The following ZNF43 variants were observed in gnomAD, a reference collection of about 807,000 sequenced individuals.
ZNF43 encodes the protein zinc finger protein 43, also known as zinc finger protein 39-like 1 (KOX 27).
ZNF43 carries 44 observed loss-of-function variants against 68.4 expected under a neutral mutation model. The ratio of observed to expected loss-of-function variants is 0.64; its 90% CI spans 0.51 to 0.83. The LOEUF is 0.83. Ranked by LOEUF, ZNF43 falls within the 40% of genes least tolerant of loss-of-function variation. The probability of loss-of-function intolerance (pLI) is 0.00; values close to 1 mark genes in which losing one functional copy is unlikely to be tolerated. For missense variants in ZNF43, 896 were observed against 933.2 expected (o/e 0.96, Z 0.52); for synonymous variants, 308 against 307.8 (o/e 1.00, Z -0.01).
upstream of ZNF43, chr19:21,836,283 T>A (rs2038732384): frequency 2.3e-6 from 3 of 1,297,776 alleles, no homozygotes; most frequent in Admixed American, 6.6e-5. Flanking sequence ...ACTTCTAAGG[T>A]CCTGCCCCCG....
intron 3 of ZNF43, chr19:21,812,012 A>G: frequency 2.5e-6 from 1 of 398,716 alleles, no homozygotes; most frequent in South Asian, 1.3e-4. Context: ...ATACCTCGAA[A>G]TTACTGTACA....
At chr19:21,848,644 G>T (rs1968126212) in intron 1 of ZNF43, among the ~76,000 whole-genome samples, 1 of 151,952 alleles carries the variant, frequency 6.6e-6, no homozygotes, top group Non-Finnish European at 1.5e-5. Context: ...TTACCTTTGG[G>T]CTGGGACCAG....
At chr19:21,849,615 G>C (rs926947941) in intron 1 of ZNF43, among the ~76,000 whole-genome samples, 1 of 151,418 alleles carries the variant, frequency 6.6e-6, no homozygotes, top group Non-Finnish European at 1.5e-5. Context: ...TTCAAGAGCA[G>C]CCTGGCCAAC....
Position 21,819,152 on chromosome 19 carries a change from GTGCAATGTCCAGGCAT to G in ZNF43, c.57_72del (p.Gln19HisfsTer9). Reference sequence around the variant, plus strand: ...ATCACATTCCTATATAAATTCTGCTGTGCAATGTCCAGGCATTGCCACTCCTCCAGACAGAATTCTA... The same window carrying G: ...ATCACATTCCTATATAAATTCTGCTGTGCCACTCCTCCAGACAGAATTCTA... On this transcript the variant is annotated frameshift_variant, in exon 2 of 4. Coordinates refer to ENST00000354959, the MANE Select transcript of ZNF43 (RefSeq NM_003423.4). LOFTEE classifies it high-confidence loss of function. 3 of 1,611,018 alleles carry G rather than the reference GTGCAATGTCCAGGCAT, an allele frequency of 1.9e-6. No individual in the cohort carries two copies. Among genetic ancestry groups the G allele is most frequent in the Non-Finnish European group, 2.5e-6 (3 of 1,178,896 alleles).
At position 21,820,830 on chromosome 19, in the gene ZNF43, ATTT is replaced by A. The variant is rs750258211; in HGVS notation, c.4-1612_4-1610del. ...ATACAGATGTCTCCCATGTTCTGTA[ATTT>A]TTTTTTTTTTTTTTTTTTTGAGGTG... On this transcript the variant is annotated intron_variant, in intron 1 of 3. Transcript: ENST00000354959. 7.0e-4 allele frequency among the ~76,000 whole-genome samples: 90 copies of A among 128,756 alleles called. No homozygotes were observed. The East Asian group carries it at 9.1e-3, about 13-fold the overall frequency. 84.5% of individuals were successfully genotyped at this position (128,756 alleles called of 152,430 possible).
chr19:21,838,232 A>G (rs539320117), upstream of ZNF43, among the ~76,000 whole-genome samples: 6 of 152,292 alleles, frequency 3.9e-5, no homozygotes, highest in South Asian at 1.2e-3. Context: ...TTTGCCTGAC[A>G]TAGTTCTCAA....
chr19:21,851,851 G>C, intron 1 of ZNF43: 2 of 1,530,532 alleles, frequency 1.3e-6, no homozygotes, highest in Non-Finnish European at 1.8e-6. Flanking sequence ...GGCCGGTCCC[G>C]CCACTTTCAC....
intron 1 of ZNF43, among the ~76,000 whole-genome samples, chr19:21,834,512 A>C (rs928606569): frequency 6.6e-6 from 1 of 152,078 alleles, no homozygotes; most frequent in Non-Finnish European, 1.5e-5. Flanking sequence ...TAATCCTTGC[A>C]CTTTGGGAGG....
upstream of ZNF43, among the ~76,000 whole-genome samples, chr19:21,837,415 C>CTTTTTT (rs539940868): frequency 2.0e-4 from 17 of 83,984 alleles, 1 homozygote; most frequent in East Asian, 3.0e-4. Flanking sequence ...CCTACACTTA[C>CTTTTTT]TTTTTTTTTT....
Position 21,809,762 on chromosome 19 carries a change from A to G in ZNF43, c.275T>C (p.Ile92Thr). The G allele has an allele frequency of 6.2e-7, 1 of 1,601,410 alleles. No individual in the cohort carries two copies. The highest frequency in any genetic ancestry group is 8.5e-7 in the Non-Finnish European group (1 of 1,176,374). ...TGTCGCTTTTTGGAAAGGATCTTTT[A>G]TATGCTGCTCTGGCCAAAAGTCTTG... is the stretch of plus-strand genomic sequence containing the variant. The part of the protein sequence containing the change: ...FTQDFWPEQH[I>T]KDPFQKATLR... The change falls in exon 4 of 4, where the codon ATA becomes ACA. Residue 92 changes from isoleucine to threonine, a missense_variant. Transcript: ENST00000354959.
intron 1 of ZNF43, among the ~76,000 whole-genome samples, chr19:21,830,078 C>T (rs1043130192): frequency 2.0e-5 from 3 of 151,904 alleles, no homozygotes; most frequent in African/African-American, 2.4e-5. Flanking sequence ...TAGTGAAACC[C>T]GGTCTCTACT....
rs184877540 is a variant in ZNF43 at position 21,820,869 on chromosome 19, T to C, written c.4-1648A>G. 2.9e-4 allele frequency among the ~76,000 whole-genome samples: 44 copies of C among 150,252 alleles called. No homozygotes were observed. The East Asian group carries it at 8.0e-3, about 27-fold the overall frequency. On this transcript the variant is annotated intron_variant, in intron 1 of 3. Transcript: ENST00000354959. Reference sequence around the variant, plus strand: ...TTTTTTTTTGAGGTGAAGTTTCTCTTGTTGCCCAGGCTGAAGTGCAATGGT... The same window carrying C: ...TTTTTTTTTGAGGTGAAGTTTCTCTCGTTGCCCAGGCTGAAGTGCAATGGT...
At chr19:21,833,160 G>A (rs2038505408) in intron 1 of ZNF43, among the ~76,000 whole-genome samples, 1 of 152,106 alleles carries the variant, frequency 6.6e-6, no homozygotes, top group Admixed American at 6.5e-5. Context: ...TAAAAGCTAA[G>A]CCTTGGAATT....
At chr19:21,818,399 C>T (rs1180361758) in intron 2 of ZNF43, among the ~76,000 whole-genome samples, 1 of 151,866 alleles carries the variant, frequency 6.6e-6, no homozygotes, top group Non-Finnish European at 1.5e-5. Context: ...CCGTACCTGG[C>T]CCCAAAATAC....
chr19:21,809,334 A>T lies in ZNF43; in HGVS notation c.703T>A (p.Cys235Ser), dbSNP rs368869055. 6.2e-7 allele frequency: 1 copy of T among 1,613,808 alleles called. No homozygotes were observed. Residue 235 changes from cysteine (C) to serine (S), a missense_variant, in exon 4 of 4, where the codon TGT (cysteine) becomes AGT (serine). Coordinates refer to ENST00000354959, the MANE Select transcript of ZNF43 (RefSeq NM_003423.4). ...GAGGACCAATTAAAGACTTTGCCAC[A>T]TTCTTCACATGTGTAGGGTTTCTCT... ...TGEKPYTCEE[C>S]GKVFNWSSRL...
At chr19:21,837,248 CAATTT>C, upstream of ZNF43, among the ~76,000 whole-genome samples, 1 of 151,844 alleles carries the variant, frequency 6.6e-6, no homozygotes. Flanking sequence ...CAGCAAAAGA[CAATTT>C]AATCTCAAAT....
intron 1 of ZNF43, among the ~76,000 whole-genome samples, chr19:21,847,583 G>A (rs1221040933): frequency 6.6e-6 from 1 of 152,090 alleles, no homozygotes; most frequent in Non-Finnish European, 1.5e-5. Context: ...TGTAGTCCCA[G>A]CTACTCAGGA....
At chr19:21,850,107 G>C (rs1251228698) in intron 1 of ZNF43, 1 of 152,246 alleles carries the variant, frequency 6.6e-6, no homozygotes, top group East Asian at 1.9e-4. Context: ...CCCAGCAATG[G>C]ATAACAATGC....
At chr19:21,838,549 G>A (rs1219857381), upstream of ZNF43, among the ~76,000 whole-genome samples, 2 of 152,018 alleles carry the variant, frequency 1.3e-5, no homozygotes, top group South Asian at 2.1e-4. Flanking sequence ...ACAGATGTGC[G>A]CTACCACACC....
Sources: gnomAD v4.1 joint callset for allele counts (sites outside exome capture counted in the v4.1 genomes callset) on GRCh38, gnomAD v4.1.1 for gene constraint, MANE v1.5 for transcripts, NCBI Gene and HGNC (gene_info 2026-07-23, HGNC 2026-07-21) for gene names.